ZNF641: variants seen among roughly 807,000 people sequenced by gnomAD.
ZNF641 encodes zinc finger protein 641.
A neutral mutation model predicts 46.2 loss-of-function variants in ZNF641; 26 were observed. The ratio of observed to expected loss-of-function variants is 0.56; its 90% confidence interval spans 0.41 to 0.78. The LOEUF (loss-of-function observed/expected upper bound fraction) is 0.78, where lower values mean the gene tolerates loss of function less well. ZNF641 is among the 30% of genes least tolerant of loss of function. The probability of loss-of-function intolerance (pLI) is 0.00; values close to 1 mark genes in which losing one functional copy is unlikely to be tolerated. For missense variants in ZNF641, 469 were observed against 517.8 expected (o/e 0.91, Z 0.91); for synonymous variants, 163 against 187.9 (o/e 0.87, Z 1.09).
chr12:48,345,210 T>C (rs1227279592), intron 4 of ZNF641, 135 bp downstream of exon 4: 5 of 1,005,312 alleles, frequency 5.0e-6, no homozygotes, highest in Non-Finnish European at 7.1e-6. Context: ...CCTAGTGTTC[T>C]TTCTCCAGCG....
downstream of ZNF641, among the ~76,000 whole-genome samples, chr12:48,336,912 GAGC>G (rs1433619648): frequency 6.6e-6 from 1 of 152,180 alleles, no homozygotes; most frequent in Non-Finnish European, 1.5e-5. Context: ...TGCTCCCTGG[GAGC>G]AGACCACCAG....
intron 1 of ZNF641, chr12:48,350,464 G>T: frequency 4.6e-6 from 1 of 217,538 alleles, no homozygotes; most frequent in Non-Finnish European, 9.4e-6. Context: ...CAGAACTGGA[G>T]CAGGGGAAGT....
downstream of ZNF641, among the ~76,000 whole-genome samples, chr12:48,335,008 C>T (rs181314956): frequency 8.5e-5 from 13 of 152,332 alleles, no homozygotes; most frequent in Non-Finnish European, 1.8e-4. Context: ...ATTGTAATAT[C>T]ATTAGCACTG....
intron 5 of ZNF641, chr12:48,344,323 A>C (rs1393167255): frequency 4.1e-6 from 1 of 242,670 alleles, no homozygotes; most frequent in Non-Finnish European, 8.0e-6. Context: ...CTAATATTCT[A>C]ATATATTCAT....
rs1022549998 is a variant in ZNF641, at chr12:48,342,998, C to T, written c.1250G>A (p.Trp417Ter). 3 of 1,613,634 alleles carry T rather than the reference C, an allele frequency of 1.9e-6. No homozygotes were observed. The highest frequency in any genetic ancestry group is 4.5e-5 in the East Asian group (2 of 44,896). The change falls in exon 6 of 6, where the codon TGG becomes TAG. Residue 417 changes from tryptophan to a stop codon, truncating the protein, a stop_gained. Coordinates refer to ENST00000547026, the MANE Select transcript of ZNF641 (RefSeq NM_001172681.2). LOFTEE classifies it high-confidence loss of function. ...THQGQSPRNS[W>*]DRGTSVF ...TCAAAAGACAGATGTTCCTCTGTCC[C>T]AGCTGTTCCGGGGACTTTGTCCCTG...
chr12:48,351,051 G>GAGGGACGA (rs1472713148), upstream of ZNF641: 1 of 152,246 alleles, frequency 6.6e-6, no homozygotes, highest in African/African-American at 2.4e-5. Flanking sequence ...GGAGGGACGG[G>GAGGGACGA]AGGGGGCGGG....
At chr12:48,349,266 A>G (rs1952965544) in intron 1 of ZNF641, among the ~76,000 whole-genome samples, 1 of 152,170 alleles carries the variant, frequency 6.6e-6, no homozygotes, top group Admixed American at 6.6e-5. Context: ...TTCTTTAGAC[A>G]ACTTAAGAGC....
chr12:48,340,505 C>T lies in ZNF641; in HGVS notation c.*2468G>A. 1.0e-6 allele frequency: 1 copy of T among 975,128 alleles called. No homozygotes were observed. The highest frequency in any genetic ancestry group is 1.2e-6 in the Non-Finnish European group (1 of 825,298). 60.4% of individuals were successfully genotyped at this position (975,128 alleles called of 1,614,324 possible). On this transcript the variant is annotated 3_prime_UTR_variant, in exon 6 of 6. Transcript: ENST00000547026. ...CAATACCCTTGTCGTAATTAAAGACCAGACTCCATCCTTATACCACTGATG... is the reference window on the plus strand; with the variant it reads ...CAATACCCTTGTCGTAATTAAAGACTAGACTCCATCCTTATACCACTGATG...
chr12:48,348,984 C>T (rs1178265738), intron 1 of ZNF641, among the ~76,000 whole-genome samples: 4 of 152,170 alleles, frequency 2.6e-5, no homozygotes, highest in Admixed American at 2.0e-4. Flanking sequence ...ATGGTGAAGC[C>T]AGTGTGTGTT....
Position 48,342,863 on chromosome 12 carries a change from G to T in ZNF641, c.*110C>A, listed in dbSNP as rs1952752989. On this transcript the variant is annotated 3_prime_UTR_variant, in exon 6 of 6. Coordinates refer to ENST00000547026, the MANE Select transcript of ZNF641 (RefSeq NM_001172681.2). The stretch of plus-strand genomic sequence containing the variant: ...GGGACCTCATCTTTCTAGGGATGGG[G>T]TCAGGGCTTATGATTCTGGCCACTG... 6.7e-7 allele frequency: 1 copy of T among 1,481,676 alleles called. No individual in the cohort carries two copies. Among genetic ancestry groups the T allele is most frequent in the South Asian group, 1.4e-5 (1 of 72,006 alleles). 91.8% of individuals were successfully genotyped at this position (1,481,676 alleles called of 1,614,324 possible).
At position 48,342,021 on chromosome 12, in the gene ZNF641, C is replaced by G; in HGVS notation, c.*952G>C. On this transcript the variant is annotated 3_prime_UTR_variant, in exon 6 of 6. Coordinates refer to ENST00000547026, the MANE Select transcript of ZNF641 (RefSeq NM_001172681.2). ...GAAAACCTAGCTTGTACAGTTTGCA[C>G]ATAGCATGCTGTCTTCAAAGACCCT... 1 of 985,508 alleles carries G rather than the reference C, an allele frequency of 1.0e-6. No homozygotes were observed. The highest frequency in any genetic ancestry group is 1.2e-6 in the Non-Finnish European group (1 of 829,978). The allele number at this position is 985,508 out of a possible 1,614,324, so 61.0% of individuals were successfully genotyped here.
In ZNF641 at chr12:48,350,871, C is replaced by G; in HGVS notation, c.-111G>C. On this transcript the variant is annotated 5_prime_UTR_variant, in exon 1 of 6. Transcript: ENST00000547026. ...TCCGCCCTCCGCTTGCGTCTGGGAG[C>G]CGGCGGCCGGCGGAGCCAGCGACAG... is the stretch of plus-strand genomic sequence containing the variant. The G allele has an allele frequency of 1.0e-6, 1 of 985,106 alleles. No homozygotes were observed. The highest frequency in any genetic ancestry group is 1.2e-6 in the Non-Finnish European group (1 of 829,774). The allele number at this position is 985,106 out of a possible 1,614,324, so 61.0% of individuals were successfully genotyped here. A position where few individuals can be genotyped will look rare whatever the true frequency, so the allele number is the denominator to read the frequency against.
intron 4 of ZNF641, 60 bp from the exon 5 acceptor site, chr12:48,344,772 G>GAA: frequency 1.1e-6 from 1 of 921,818 alleles, no homozygotes; most frequent in South Asian, 1.6e-5. Flanking sequence ...CTATATTTCT[G>GAA]AAAAAAAAAT....
rs931556382 is a variant in ZNF641 at position 48,341,715 on chromosome 12, A to G, written c.*1258T>C. On this transcript the variant is annotated 3_prime_UTR_variant, in exon 6 of 6. Coordinates refer to ENST00000547026, the MANE Select transcript of ZNF641 (RefSeq NM_001172681.2). Reference sequence around the variant, plus strand: ...AATCCCCACTCAATACAAAGTTTCTATGTGCCTCTTGCCTGAAATCAACAA... The same window carrying G: ...AATCCCCACTCAATACAAAGTTTCTGTGTGCCTCTTGCCTGAAATCAACAA... The G allele has an allele frequency of 8.1e-6, 8 of 985,464 alleles. No individual in the cohort carries two copies. The highest frequency in any genetic ancestry group is 8.4e-6 in the Non-Finnish European group (7 of 829,938). The allele number at this position is 985,464 out of a possible 1,614,324, so 61.0% of individuals were successfully genotyped here. A position where few individuals can be genotyped will look rare whatever the true frequency, so the allele number is the denominator to read the frequency against.
At position 48,343,612 on chromosome 12, in the gene ZNF641, C is replaced by T; in HGVS notation, c.636G>A (p.Trp212Ter). 6.2e-7 allele frequency: 1 copy of T among 1,603,028 alleles called. No individual in the cohort carries two copies. The highest frequency in any genetic ancestry group is 8.5e-7 in the Non-Finnish European group (1 of 1,174,410). ...CTCTGGAGCTGCTGGGCATGGAATC[C>T]CAGCTCTCATCATGCTCCGGGTTCC... is the stretch of plus-strand genomic sequence containing the variant. ...VLWNPEHDESWDSMPSSSRGM... is the reference protein window; with the variant it reads ...VLWNPEHDES Residue 212 changes from tryptophan to a stop codon, truncating the protein, a stop_gained, in exon 6 of 6, where the codon TGG becomes TGA. Transcript: ENST00000547026. LOFTEE classifies it high-confidence loss of function.
At chr12:48,336,250 G>T (rs775637172), downstream of ZNF641, among the ~76,000 whole-genome samples, 5 of 152,184 alleles carry the variant, frequency 3.3e-5, no homozygotes, top group African/African-American at 4.8e-5. Flanking sequence ...CCCCGTGCCT[G>T]CCAGATTTCT....
Position 48,350,308 on chromosome 12 carries a change from T to C in ZNF641, c.-26+478A>G, listed in dbSNP as rs908245393. 3.0e-5 allele frequency: 38 copies of C among 1,250,704 alleles called. No homozygotes were observed. In the Admixed American group the frequency reaches 4.2e-4, roughly 14 times the overall value. 77.5% of individuals were successfully genotyped at this position (1,250,704 alleles called of 1,614,324 possible). ...GTAGCCCAAGGGCACACGGACGAGT[T>C]GGCTCCGTCCATCAGAGAACCCTGG... On this transcript the variant is annotated intron_variant, in intron 1 of 5. Transcript: ENST00000547026.
chr12:48,344,203 C>A (rs538907656), intron 5 of ZNF641, among the ~76,000 whole-genome samples: 2 of 152,254 alleles, frequency 1.3e-5, no homozygotes, highest in African/African-American at 4.8e-5. Flanking sequence ...TGACACCTGT[C>A]GGCAGTCCTC....
chr12:48,350,872 C>G lies in ZNF641; in HGVS notation c.-112G>C. 1 of 985,048 alleles carries G rather than the reference C, an allele frequency of 1.0e-6. No homozygotes were observed. Among genetic ancestry groups the G allele is most frequent in the Non-Finnish European group, 1.2e-6 (1 of 829,782 alleles). The allele number at this position is 985,048 out of a possible 1,614,324, so 61.0% of individuals were successfully genotyped here. The stretch of plus-strand genomic sequence containing the variant: ...CCGCCCTCCGCTTGCGTCTGGGAGC[C>G]GGCGGCCGGCGGAGCCAGCGACAGG... On this transcript the variant is annotated 5_prime_UTR_variant, in exon 1 of 6. Coordinates refer to ENST00000547026, the MANE Select transcript of ZNF641 (RefSeq NM_001172681.2).
Sources: gnomAD v4.1 joint callset for allele counts (sites outside exome capture counted in the v4.1 genomes callset) on GRCh38, gnomAD v4.1.1 for gene constraint, MANE v1.5 for transcripts, NCBI Gene and HGNC (gene_info 2026-07-23, HGNC 2026-07-21) for gene names.